NTRK1: variants seen among roughly 807,000 people sequenced by gnomAD.
The protein encoded by NTRK1 is high affinity nerve growth factor receptor.
A neutral mutation model predicts 86.8 loss-of-function variants in NTRK1; 62 were observed. The observed-to-expected ratio is 0.71, with a 90% CI of 0.58 to 0.88. The LOEUF is 0.88. NTRK1 is among the 40% of genes least tolerant of loss of function. NTRK1 has a pLI of 0.00. For missense variants in NTRK1, 967 were observed against 1,078.4 expected, an observed-to-expected ratio of 0.90 and a Z score of 1.45; for synonymous variants, 469 against 456.6, an observed-to-expected ratio of 1.03 and a Z score of -0.35.
chr1:156,848,766 G>A (rs1157413067), intron 2 of NTRK1, among the ~76,000 whole-genome samples: 2 of 152,222 alleles, frequency 1.3e-5, no homozygotes, highest in Non-Finnish European at 2.9e-5. Context: ...AGGGAAGAGA[G>A]CCAGACCTGG....
At chr1:156,834,281 G>C (rs576025913) in intron 1 of NTRK1, among the ~76,000 whole-genome samples, 2 of 152,304 alleles carry the variant, frequency 1.3e-5, no homozygotes, top group African/African-American at 4.8e-5. Flanking sequence ...CAGGCTTGGT[G>C]GTGGGTGACA....
chr1:156,850,153 C>T (rs1050444970), intron 2 of NTRK1, among the ~76,000 whole-genome samples: 1 of 151,992 alleles, frequency 6.6e-6, no homozygotes, highest in African/African-American at 2.4e-5. Context: ...CCTCCCACCT[C>T]GGCTTGCCAA....
intron 2 of NTRK1, chr1:156,846,899 C>T (rs1655035175): frequency 2.1e-5 from 14 of 682,360 alleles, no homozygotes; most frequent in Non-Finnish European, 5.1e-6. Context: ...CCTGTTAGAC[C>T]TTGGCAAGGG....
intron 1 of NTRK1, among the ~76,000 whole-genome samples, chr1:156,861,647 G>A (rs1465635333): frequency 2.0e-5 from 3 of 152,132 alleles, no homozygotes; most frequent in African/African-American, 7.2e-5. Flanking sequence ...TTGGTGGGAG[G>A]CGGTGAGGAG....
At chr1:156,816,601 A>T in intron 1 of NTRK1, 1 of 1,497,116 alleles carries the variant, frequency 6.7e-7, no homozygotes, top group African/African-American at 1.4e-5. Context: ...TGGGAGCTCA[A>T]GCCCAGGAGG....
chr1:156,828,014 T>C (rs1379357265), intron 1 of NTRK1, among the ~76,000 whole-genome samples: 2 of 152,198 alleles, frequency 1.3e-5, no homozygotes, highest in African/African-American at 4.8e-5. Context: ...GGTCTCACTA[T>C]GTTGCCCAGG....
At chr1:156,845,523 G>T (rs2102858330) in intron 2 of NTRK1, 4 of 1,469,960 alleles carry the variant, frequency 2.7e-6, no homozygotes, top group South Asian at 1.4e-5. Flanking sequence ...GCCCACACAA[G>T]CAAGGCCCCA....
At chr1:156,879,435 G>A (rs1340525721) in intron 15 of NTRK1, 73 bp downstream of exon 15, 1 of 1,536,544 alleles carries the variant, frequency 6.5e-7, no homozygotes, top group African/African-American at 1.4e-5. Flanking sequence ...AGACCACTGA[G>A]AGCCTGCCCT....
At position 156,823,427 on chromosome 1, in the gene NTRK1, C is replaced by A. The variant is rs116533214; in HGVS notation, c.-64+7589C>A. 4.2e-3 allele frequency among the ~76,000 whole-genome samples: 639 copies of A among 152,298 alleles called. 1 individual carries two copies. Among genetic ancestry groups the A allele is most frequent in the African/African-American group, 0.014 (576 of 41,562 alleles). On this transcript the variant is annotated intron_variant, in intron 1 of 16. Coordinates refer to the NTRK1 transcript ENST00000392302. ...GGTGATGGGGCAGGACCAGTCCACC[C>A]TGTGATCGCGAGCCTGTTGTTGTGC...
At chr1:156,827,343 C>T (rs567220242) in intron 1 of NTRK1, among the ~76,000 whole-genome samples, 1 of 151,942 alleles carries the variant, frequency 6.6e-6, no homozygotes, top group South Asian at 2.1e-4. Context: ...CTCACTGTAA[C>T]CTCCACCTCC....
At chr1:156,818,859 T>C (rs1323159983) in intron 1 of NTRK1, among the ~76,000 whole-genome samples, 4 of 152,240 alleles carry the variant, frequency 2.6e-5, no homozygotes, top group Admixed American at 2.6e-4. Flanking sequence ...TTGCTGGAAA[T>C]AATGGTATTT....
In NTRK1 at chr1:156,864,414, G is replaced by A. The variant is rs918392521; in HGVS notation, c.273G>A (p.Gly91=). ...AGCTCCGTGATCTGAGGGGCCTGGG[G>A]GAGCTGAGAAACCTGTGAGGGAAAC... ...HLELRDLRGL[G]ELRNLTIVKS... Residue 91 remains glycine (G), a synonymous_variant, in exon 2 of 17, where the codon GGG becomes GGA. Coordinates refer to ENST00000524377, the MANE Select transcript of NTRK1 (RefSeq NM_002529.4). 6.2e-7 allele frequency: 1 copy of A among 1,614,064 alleles called. No homozygotes were observed. Among genetic ancestry groups the A allele is most frequent in the Non-Finnish European group, 8.5e-7 (1 of 1,179,986 alleles).
chr1:156,841,211 T>G (rs538433368), intron 1 of NTRK1: 5 of 1,022,560 alleles, frequency 4.9e-6, no homozygotes, highest in African/African-American at 4.8e-5. Flanking sequence ...TGGGCCATTA[T>G]GCCTGGGAGG....
intron 2 of NTRK1, chr1:156,844,699 G>A: frequency 6.2e-7 from 1 of 1,614,158 alleles, no homozygotes; most frequent in Non-Finnish European, 8.5e-7. Flanking sequence ...GGTCCCACGG[G>A]CACCTACCTC....
chr1:156,860,638 C>A (rs1435043136), upstream of NTRK1, among the ~76,000 whole-genome samples: 1 of 152,240 alleles, frequency 6.6e-6, no homozygotes, highest in African/African-American at 2.4e-5. Flanking sequence ...TCAGCAGACA[C>A]CTCCGAGGCG....
chr1:156,863,189 C>T (rs961144046), intron 1 of NTRK1, among the ~76,000 whole-genome samples: 1 of 152,118 alleles, frequency 6.6e-6, no homozygotes, highest in Admixed American at 6.5e-5. Context: ...GTCCCCTAGC[C>T]CCGAATGCCT....
intron 8 of NTRK1, 21 bp downstream of exon 8, chr1:156,873,980 C>T (rs752113335): frequency 8.4e-6 from 13 of 1,549,788 alleles, no homozygotes; most frequent in African/African-American, 1.4e-5. Context: ...CATCCTGAAC[C>T]CTGCCCCCAC....
Position 156,870,464 on chromosome 1 carries a change from G to A in NTRK1, c.718-1159G>A, listed in dbSNP as rs77961424. 4.9e-3 allele frequency among the ~76,000 whole-genome samples: 753 copies of A among 152,328 alleles called. 8 individuals are homozygous for A. Among genetic ancestry groups the A allele is most frequent in the African/African-American group, 0.017 (707 of 41,562 alleles). On this transcript the variant is annotated intron_variant, in intron 6 of 16. Coordinates refer to ENST00000524377, the MANE Select transcript of NTRK1 (RefSeq NM_002529.4). The stretch of plus-strand genomic sequence containing the variant: ...TCAGTTAGGAGGATAAGGGGTGGCA[G>A]ACCAGCTCAAGGGGAAGAGTTATTG...
intron 1 of NTRK1, among the ~76,000 whole-genome samples, chr1:156,820,524 G>A (rs1654156106): frequency 6.6e-6 from 1 of 152,218 alleles, no homozygotes; most frequent in African/African-American, 2.4e-5. Context: ...TGAGATTACA[G>A]GCGTGAGCCA....
Sources: allele counts gnomAD v4.1 joint callset (sites outside exome capture counted in the v4.1 genomes callset), GRCh38; gene constraint gnomAD v4.1.1; transcripts MANE v1.5; gene names NCBI Gene and HGNC (gene_info 2026-07-23, HGNC 2026-07-21).